The following ROR1 variants were observed in gnomAD, a reference collection of about 807,000 sequenced individuals.
ROR1 encodes inactive tyrosine-protein kinase transmembrane receptor ROR1.
In ROR1, 19 loss-of-function variants were observed where a neutral mutation model predicts 78.8. That is an observed-to-expected ratio of 0.24 (90% CI 0.17 to 0.35). The LOEUF is 0.35. ROR1 is among the 10% of genes least tolerant of loss of function. ROR1 has a pLI of 1.00. For missense variants in ROR1, 917 were observed against 1,177.8 expected, an observed-to-expected ratio of 0.78 and a Z score of 3.24; for synonymous variants, 386 against 433.6, an observed-to-expected ratio of 0.89 and a Z score of 1.36.
intron 8 of ROR1, among the ~76,000 whole-genome samples, chr1:64,175,048 G>A (rs918265405): frequency 6.0e-5 from 9 of 149,226 alleles, no homozygotes; most frequent in Non-Finnish European, 8.9e-5. Flanking sequence ...TAAAAAAATA[G>A]TAATTTAATA....
chr1:64,031,133 G>T (rs1646656536), intron 2 of ROR1, among the ~76,000 whole-genome samples: 1 of 152,182 alleles, frequency 6.6e-6, no homozygotes, highest in African/African-American at 2.4e-5. Flanking sequence ...CTCCCAAAAT[G>T]CTGGGATTAT....
At chr1:63,809,055 T>A (rs1175871963) in intron 1 of ROR1, among the ~76,000 whole-genome samples, 1 of 152,214 alleles carries the variant, frequency 6.6e-6, no homozygotes, top group African/African-American at 2.4e-5. Flanking sequence ...TGGATGTTGA[T>A]GCTGAGGCCA....
At chr1:63,921,966 C>T (rs956578103) in intron 1 of ROR1, among the ~76,000 whole-genome samples, 5 of 152,282 alleles carry the variant, frequency 3.3e-5, no homozygotes, top group Admixed American at 2.0e-4. Context: ...GGGGGTATCT[C>T]AGGAGCTCCC....
At chr1:64,102,886 C>CTT (rs1290853353) in intron 4 of ROR1, among the ~76,000 whole-genome samples, 2 of 152,098 alleles carry the variant, frequency 1.3e-5, no homozygotes, top group African/African-American at 4.8e-5. Flanking sequence ...TGCCAGCAAC[C>CTT]CCTTTCTCCC....
chr1:64,062,354 C>T (rs906380900), intron 4 of ROR1, among the ~76,000 whole-genome samples: 2 of 152,036 alleles, frequency 1.3e-5, no homozygotes, highest in African/African-American at 4.8e-5. Flanking sequence ...CTCTGTTGCC[C>T]AGGCTGTAGT....
At chr1:63,884,814 C>T (rs887936603) in intron 1 of ROR1, among the ~76,000 whole-genome samples, 1 of 151,256 alleles carries the variant, frequency 6.6e-6, no homozygotes, top group South Asian at 2.1e-4. Context: ...GGGAAAAGTG[C>T]CTGACTTGTG....
chr1:63,823,424 T>A (rs935013856), intron 1 of ROR1, among the ~76,000 whole-genome samples: 1 of 150,616 alleles, frequency 6.6e-6, no homozygotes, highest in African/African-American at 2.4e-5. Flanking sequence ...TTTTTGATAT[T>A]GCTGCTAACT....
intron 1 of ROR1, among the ~76,000 whole-genome samples, chr1:63,922,428 C>G (rs953460142): frequency 2.0e-5 from 3 of 152,154 alleles, no homozygotes; most frequent in African/African-American, 7.2e-5. Context: ...ATAAAGTTAG[C>G]AACCTCTGGT....
intron 1 of ROR1, among the ~76,000 whole-genome samples, chr1:64,008,711 T>G (rs1238347316): frequency 6.6e-6 from 1 of 152,160 alleles, no homozygotes; most frequent in Non-Finnish European, 1.5e-5. Flanking sequence ...TTCAGCTCAC[T>G]GCAACCTCCG....
At chr1:63,977,260 A>G (rs913010483) in intron 1 of ROR1, among the ~76,000 whole-genome samples, 1 of 152,126 alleles carries the variant, frequency 6.6e-6, no homozygotes, top group African/African-American at 2.4e-5. Flanking sequence ...CCATATCAAC[A>G]CCTTACACAC....
intron 1 of ROR1, among the ~76,000 whole-genome samples, chr1:63,812,497 CAGTA>C (rs1644865865): frequency 6.6e-6 from 1 of 152,064 alleles, no homozygotes; most frequent in African/African-American, 2.4e-5. Flanking sequence ...TGAAGGTAGT[CAGTA>C]AGTTTTGACT....
chr1:64,120,124 C>T (rs550763274), intron 4 of ROR1, among the ~76,000 whole-genome samples: 3 of 152,252 alleles, frequency 2.0e-5, no homozygotes, highest in Admixed American at 6.5e-5. Flanking sequence ...AGGGAACTCC[C>T]TTTGCTGAGT....
At chr1:64,089,574 A>G (rs1008171646) in intron 4 of ROR1, among the ~76,000 whole-genome samples, 3 of 152,186 alleles carry the variant, frequency 2.0e-5, no homozygotes, top group Admixed American at 6.5e-5. Flanking sequence ...TAACTGGGGA[A>G]TAAAGTGGCT....
intron 1 of ROR1, among the ~76,000 whole-genome samples, chr1:63,878,205 C>T (rs1047363335): frequency 3.9e-5 from 6 of 152,064 alleles, no homozygotes; most frequent in African/African-American, 9.7e-5. Flanking sequence ...AGGGTCTGCC[C>T]GTGAAGGACC....
chr1:63,839,530 T>C (rs1162709411), intron 1 of ROR1, among the ~76,000 whole-genome samples: 1 of 152,112 alleles, frequency 6.6e-6, no homozygotes, highest in African/African-American at 2.4e-5. Flanking sequence ...TATTGGCTTA[T>C]TGCAATTAAA....
At chr1:63,837,409 A>G (rs537761006) in intron 1 of ROR1, among the ~76,000 whole-genome samples, 20 of 152,250 alleles carry the variant, frequency 1.3e-4, no homozygotes, top group African/African-American at 4.6e-4. Context: ...AAAGTTCCCT[A>G]TGTAGTTTGT....
In ROR1 at chr1:63,861,505, A is replaced by G. The variant is rs1645181533; in HGVS notation, c.91+86997A>G. The stretch of plus-strand genomic sequence containing the variant: ...CACCAGGTTTGGATGTTACATAGCC[A>G]AGAACATTGTGTAGCAGTGCCTGGT... On this transcript the variant is annotated intron_variant, in intron 1 of 8. Transcript: ENST00000371079. 1.3e-4 allele frequency among the ~76,000 whole-genome samples: 20 copies of G among 152,292 alleles called. No homozygotes were observed. In the South Asian group the frequency reaches 4.1e-3, roughly 32 times the overall value.
At chr1:64,036,354 G>A (rs947276441) in intron 2 of ROR1, among the ~76,000 whole-genome samples, 1 of 152,104 alleles carries the variant, frequency 6.6e-6, no homozygotes, top group Non-Finnish European at 1.5e-5. Context: ...CTCACAGTGT[G>A]GAAGGACCAA....
At chr1:64,144,651 G>A (rs1649427763) in intron 7 of ROR1, among the ~76,000 whole-genome samples, 1 of 152,142 alleles carries the variant, frequency 6.6e-6, no homozygotes, top group Non-Finnish European at 1.5e-5. Flanking sequence ...CACTCAGTAA[G>A]AATTAAGAGG....
Sources: gnomAD v4.1 joint callset for allele counts (sites outside exome capture counted in the v4.1 genomes callset) on GRCh38, gnomAD v4.1.1 for gene constraint, MANE v1.5 for transcripts, NCBI Gene and HGNC (gene_info 2026-07-23, HGNC 2026-07-21) for gene names.